Variants in CDH18 observed in about 807,000 individuals in gnomAD.
The protein encoded by CDH18 is cadherin 18, also known as cadherin-18.
A neutral mutation model predicts 67.9 loss-of-function variants in CDH18; 31 were observed. The ratio of observed to expected loss-of-function variants is 0.46; its 90% CI spans 0.34 to 0.62. The LOEUF (loss-of-function observed/expected upper bound fraction) is 0.62, where lower values mean the gene tolerates loss of function less well. Ranked by LOEUF, CDH18 falls within the 20% of genes least tolerant of loss-of-function variation. The probability of loss-of-function intolerance (pLI) is 0.01; values close to 1 mark genes in which losing one functional copy is unlikely to be tolerated. For synonymous variants in CDH18, 362 were observed against 347.2 expected (o/e 1.04, Z -0.48); for missense variants, 890 against 975.5 (o/e 0.91, Z 1.17).
chr5:20,278,416 T>C (rs1332741487), intron 1 of CDH18, among the ~76,000 whole-genome samples: 1 of 151,668 alleles, frequency 6.6e-6, no homozygotes, highest in African/African-American at 2.4e-5. Flanking sequence ...AGCAAAAATA[T>C]CCTTCAAACA....
intron 2 of CDH18, among the ~76,000 whole-genome samples, chr5:20,085,684 G>A (rs540761106): frequency 1.5e-3 from 226 of 152,248 alleles, no homozygotes; most frequent in African/African-American, 5.0e-3. Flanking sequence ...GGAAGAGCAA[G>A]TCTTGTCTTA....
At chr5:19,754,452 C>T (rs1284793154) in intron 3 of CDH18, among the ~76,000 whole-genome samples, 1 of 152,138 alleles carries the variant, frequency 6.6e-6, no homozygotes, top group Admixed American at 6.5e-5. Flanking sequence ...CCTTGTCCAA[C>T]AGGAAAATAT....
chr5:19,673,114 T>C (rs1758981055), intron 5 of CDH18, among the ~76,000 whole-genome samples: 1 of 151,976 alleles, frequency 6.6e-6, no homozygotes, highest in South Asian at 2.1e-4. Context: ...ATTTGAGACA[T>C]TGAGGAAATG....
At chr5:20,343,477 C>T (rs979585791) in intron 1 of CDH18, among the ~76,000 whole-genome samples, 2 of 152,098 alleles carry the variant, frequency 1.3e-5, no homozygotes, top group African/African-American at 4.8e-5. Flanking sequence ...ACAATTCATG[C>T]AGATAGTGGT....
At chr5:19,934,809 A>G (rs578118764) in intron 2 of CDH18, among the ~76,000 whole-genome samples, 4 of 151,404 alleles carry the variant, frequency 2.6e-5, no homozygotes, top group African/African-American at 9.7e-5. Context: ...ACAGAATAAT[A>G]GAGTCAAAAA....
At position 19,481,564 on chromosome 5, in the gene CDH18, G is replaced by C. The variant is rs76662435; in HGVS notation, c.1882+1737C>G. On this transcript the variant is annotated intron_variant, in intron 12 of 12. Transcript: ENST00000382275. ...TCACAGTCATCTTTTGCAAATTGAA[G>C]ATTTTATAATGGGACTCTCTAGCTT... Among the ~76,000 whole-genome samples, 15 of 152,226 alleles carry C rather than the reference G, an allele frequency of 9.9e-5. No homozygotes were observed. The East Asian group carries it at 2.9e-3, about 30-fold the overall frequency.
chr5:19,791,113 T>C (rs1435393881), intron 3 of CDH18, among the ~76,000 whole-genome samples: 1 of 152,066 alleles, frequency 6.6e-6, no homozygotes, highest in Admixed American at 6.6e-5. Context: ...ATACTGTCTA[T>C]CTTAACTACA....
intron 2 of CDH18, among the ~76,000 whole-genome samples, chr5:20,087,203 G>A (rs1384041739): frequency 2.0e-5 from 3 of 152,146 alleles, no homozygotes; most frequent in African/African-American, 7.2e-5. Flanking sequence ...CTGTAAATGT[G>A]ACTGAAATGC....
At chr5:20,032,991 C>T (rs187438058) in intron 2 of CDH18, among the ~76,000 whole-genome samples, 1 of 151,918 alleles carries the variant, frequency 6.6e-6, no homozygotes, top group East Asian at 1.9e-4. Context: ...TTGGAAAGTA[C>T]CAATGTTGAG....
chr5:20,555,835 T>C (rs909327043), intron 1 of CDH18, among the ~76,000 whole-genome samples: 1 of 152,110 alleles, frequency 6.6e-6, no homozygotes, highest in Non-Finnish European at 1.5e-5. Context: ...TTTGTTCTTC[T>C]TAAAAATTCC....
intron 2 of CDH18, among the ~76,000 whole-genome samples, chr5:19,881,237 T>A (rs1275185199): frequency 6.6e-6 from 1 of 152,156 alleles, no homozygotes; most frequent in African/African-American, 2.4e-5. Context: ...TAATAGTGGG[T>A]CCAAAACTTA....
chr5:20,472,278 A>T (rs1752144506), intron 1 of CDH18, among the ~76,000 whole-genome samples: 1 of 152,226 alleles, frequency 6.6e-6, no homozygotes, highest in Non-Finnish European at 1.5e-5. Flanking sequence ...GATTAGGAAT[A>T]GGTTTTTAAA....
Position 19,941,288 on chromosome 5 carries a change from A to T in CDH18, c.-257+39772T>A, listed in dbSNP as rs536749619. Among the ~76,000 whole-genome samples, 154 of 152,170 alleles carry T rather than the reference A, an allele frequency of 1.0e-3. 1 individual carries two copies. In the South Asian group the frequency reaches 0.03, roughly 30 times the overall value. ...GACCTTAAACTCCTCAGCCTCTAAA[A>T]CTGTGAGAAATGAATTTCTGTGTTC... On this transcript the variant is annotated intron_variant, in intron 2 of 12. Transcript: ENST00000382275.
chr5:20,121,276 T>C (rs1257283491), intron 2 of CDH18, among the ~76,000 whole-genome samples: 1 of 152,212 alleles, frequency 6.6e-6, no homozygotes, highest in African/African-American at 2.4e-5. Flanking sequence ...TAAGTTACTT[T>C]GAAATCCTTC....
intron 5 of CDH18, among the ~76,000 whole-genome samples, chr5:19,653,945 CA>C (rs1393764204): frequency 2.6e-5 from 4 of 152,150 alleles, no homozygotes; most frequent in African/African-American, 9.7e-5. Context: ...ATCACATTTT[CA>C]AGCATAATCT....
At chr5:20,526,650 C>A (rs936211569) in intron 1 of CDH18, among the ~76,000 whole-genome samples, 1 of 151,984 alleles carries the variant, frequency 6.6e-6, no homozygotes. Context: ...CTGCAGCAGA[C>A]CTGCAGAAAA....
At chr5:20,543,546 T>C (rs975873232) in intron 1 of CDH18, among the ~76,000 whole-genome samples, 1 of 152,130 alleles carries the variant, frequency 6.6e-6, no homozygotes, top group Admixed American at 6.6e-5. Context: ...TTTCTGAGAT[T>C]GGCCAGAATA....
At chr5:19,531,502 G>T (rs1748610392) in intron 9 of CDH18, among the ~76,000 whole-genome samples, 1 of 152,128 alleles carries the variant, frequency 6.6e-6, no homozygotes. Flanking sequence ...AAGTTGTATA[G>T]CCAGTTTGGA....
At chr5:20,217,328 A>C (rs1380281408) in intron 2 of CDH18, among the ~76,000 whole-genome samples, 3 of 151,940 alleles carry the variant, frequency 2.0e-5, no homozygotes, top group Non-Finnish European at 2.9e-5. Context: ...TTTTGAATAC[A>C]TAAACAATAC....
Sources: allele counts gnomAD v4.1 joint callset (sites outside exome capture counted in the v4.1 genomes callset), GRCh38; gene constraint gnomAD v4.1.1; transcripts MANE v1.5; gene names NCBI Gene and HGNC (gene_info 2026-07-23, HGNC 2026-07-21).